IQSEC2: variants seen among roughly 807,000 people sequenced by gnomAD.
IQSEC2 encodes IQ motif and SEC7 domain-containing protein 2.
A neutral mutation model predicts 74.6 loss-of-function variants in IQSEC2; 6 were observed. That is an observed-to-expected ratio of 0.08 (90% CI 0.04 to 0.16). The LOEUF (loss-of-function observed/expected upper bound fraction) is 0.16. Ranked by LOEUF, IQSEC2 falls within the 10% of genes least tolerant of loss-of-function variation. The probability of loss-of-function intolerance (pLI) is 1.00; values close to 1 mark genes in which losing one functional copy is unlikely to be tolerated. For missense variants in IQSEC2, 734 were observed against 1,306.2 expected, an observed-to-expected ratio of 0.56 and a Z score of 6.75; for synonymous variants, 494 against 544.5, an observed-to-expected ratio of 0.91 and a Z score of 1.29.
At position 53,277,745 on chromosome X, in the gene IQSEC2, A is replaced by T. The variant is rs1440289110; in HGVS notation, c.737+14150T>A. On this transcript the variant is annotated intron_variant, in intron 2 of 14. Transcript: ENST00000642864. ...GAGTGCAGTGGTACGATCTTGGCTC[A>T]CTGCAACCTCTGCCTCCCAGGTTCA... 2.7e-5 allele frequency among the ~76,000 whole-genome samples: 3 copies of T among 110,307 alleles called. No individual in the cohort carries two copies. The East Asian group carries it at 8.6e-4, about 31-fold the overall frequency.
At chrX:53,275,636 T>C (rs971624589) in intron 2 of IQSEC2, among the ~76,000 whole-genome samples, 2 of 111,748 alleles carry the variant, frequency 1.8e-5, no homozygotes, top group African/African-American at 6.5e-5. Context: ...TTGTTTCATG[T>C]CTGTAGTCCT....
intron 2 of IQSEC2, chrX:53,267,056 T>C: frequency 8.7e-7 from 1 of 1,150,847 alleles, no homozygotes; most frequent in Non-Finnish European, 1.1e-6. Flanking sequence ...CTCCTCCTCC[T>C]CCTCTTCCCT....
chrX:53,264,172 C>T (rs1367688893), intron 2 of IQSEC2, among the ~76,000 whole-genome samples: 7 of 112,385 alleles, frequency 6.2e-5, no homozygotes, highest in Non-Finnish European at 1.9e-5. Flanking sequence ...CTCAGAATTC[C>T]TCACACCCAG....
At chrX:53,281,469 G>A (rs1556870845) in intron 2 of IQSEC2, 3 of 919,412 alleles carry the variant, frequency 3.3e-6, no homozygotes, top group Non-Finnish European at 4.6e-6. Context: ...AAGGGAGGGG[G>A]CCAGGCTGCG....
At chrX:53,296,161 G>C (rs1411157539) in intron 1 of IQSEC2, among the ~76,000 whole-genome samples, 1 of 109,321 alleles carries the variant, frequency 9.1e-6, no homozygotes, top group Non-Finnish European at 1.9e-5. Flanking sequence ...TCAGCCTCCT[G>C]AGTAGCTGGG....
intron 1 of IQSEC2, among the ~76,000 whole-genome samples, chrX:53,295,603 C>CAAA (rs782410222): frequency 2.4e-3 from 99 of 40,432 alleles, no homozygotes; most frequent in African/African-American, 5.6e-3. Flanking sequence ...GACTCCGTCT[C>CAAA]AAAAAAAAAA....
chrX:53,285,303 G>C (rs1029610460), intron 2 of IQSEC2, among the ~76,000 whole-genome samples: 27 of 112,677 alleles, frequency 2.4e-4, no homozygotes, highest in African/African-American at 8.7e-4. Context: ...TGACCAGACA[G>C]TGGGCTTCAT....
At chrX:53,278,289 C>T (rs933474265) in intron 2 of IQSEC2, among the ~76,000 whole-genome samples, 1 of 111,221 alleles carries the variant, frequency 9.0e-6, no homozygotes, top group Non-Finnish European at 1.9e-5. Flanking sequence ...GGATTACAGG[C>T]GTGAGCCACT....
intron 11 of IQSEC2, among the ~76,000 whole-genome samples, chrX:53,238,863 T>C (rs1556860298): frequency 9.1e-6 from 1 of 110,401 alleles, no homozygotes; most frequent in African/African-American, 3.3e-5. Context: ...CCTTCTCACC[T>C]CTGCCTCAAC....
At position 53,291,520 on chromosome X, in the gene IQSEC2, G is replaced by A. The variant is rs180743220; in HGVS notation, c.737+375C>T. Among the ~76,000 whole-genome samples, 16 of 110,861 alleles carry A rather than the reference G, an allele frequency of 1.4e-4. No homozygotes were observed. The East Asian group carries it at 3.4e-3, about 24-fold the overall frequency. On this transcript the variant is annotated intron_variant, in intron 2 of 14. Coordinates refer to ENST00000642864, the MANE Select transcript of IQSEC2 (RefSeq NM_001111125.3). ...CACAGATTCAGGGTGGAAAGTGAAC[G>A]CTAGACCAGGGAAGCTCAGCATCGA...
intron 2 of IQSEC2, among the ~76,000 whole-genome samples, chrX:53,282,495 G>A (rs1318711595): frequency 8.9e-6 from 1 of 112,863 alleles, no homozygotes; most frequent in Non-Finnish European, 1.9e-5. Context: ...GTCCTTTCAC[G>A]GTCCCAGAGC....
rs181731337 is a variant in IQSEC2 at position 53,238,616 on chromosome X, G to A, written c.3116-310C>T. On this transcript the variant is annotated intron_variant, in intron 11 of 14. Coordinates refer to ENST00000642864, the MANE Select transcript of IQSEC2 (RefSeq NM_001111125.3). ...TGGTTTCGAATTCCTGGGCTCAAGCGATCCTCTTGCCTTGGCCTCCCAAAG... is the reference window on the plus strand; with the variant it reads ...TGGTTTCGAATTCCTGGGCTCAAGCAATCCTCTTGCCTTGGCCTCCCAAAG... Among the ~76,000 whole-genome samples the A allele has an allele frequency of 9.3e-4, 102 of 109,369 alleles. 1 individual carries two copies. The highest frequency in any genetic ancestry group is 5.3e-4 in the Non-Finnish European group (28 of 52,697). The allele number at this position is 109,369 out of a possible 115,157, so 95.0% of individuals were successfully genotyped here.
At chrX:53,285,697 C>T (rs1274018649) in intron 2 of IQSEC2, among the ~76,000 whole-genome samples, 4 of 112,518 alleles carry the variant, frequency 3.6e-5, no homozygotes, top group African/African-American at 1.3e-4. Flanking sequence ...TGGAAGATGG[C>T]TTTAATAGCA....
intron 1 of IQSEC2, among the ~76,000 whole-genome samples, chrX:53,295,311 G>A (rs919777965): frequency 1.8e-5 from 2 of 111,578 alleles, no homozygotes; most frequent in East Asian, 2.8e-4. Context: ...CTTCTTCCAC[G>A]TACAAGAATT....
rs1556861390 is a variant in IQSEC2 at position 53,243,470 on chromosome X, C to T, written c.2751G>A (p.Gly917=). 1 of 1,174,342 alleles carries T rather than the reference C, an allele frequency of 8.5e-7. No homozygotes were observed. Among genetic ancestry groups the T allele is most frequent in the Non-Finnish European group, 1.1e-6 (1 of 875,391 alleles). ...KLDDFIKNLR[G]VDNGEDIPRD... ...GGGGGATGTCTTCACCATTGTCAAC[C>T]CCTGGGGGAGGGAGTAACACAGGGA... Residue 917 remains glycine, a splice_region_variant and synonymous_variant, in exon 9 of 15, where the codon GGG becomes GGA. Coordinates refer to ENST00000642864, the MANE Select transcript of IQSEC2 (RefSeq NM_001111125.3).
chrX:53,280,185 G>A (rs782186112), intron 2 of IQSEC2, among the ~76,000 whole-genome samples: 2 of 95,810 alleles, frequency 2.1e-5, no homozygotes, highest in South Asian at 6.0e-4. Context: ...TAGGGAGGAC[G>A]GGAGGGGAAG....
rs782284020 is a variant in IQSEC2 at position 53,256,298 on chromosome X, G to A, written c.738-237C>T. ...CTGCCTTTACGGCAAGATCCTCTTA[G>A]ACTCCTTTCCCTCAAGGCTCTGCCT... On this transcript the variant is annotated intron_variant, in intron 2 of 14. Coordinates refer to ENST00000642864, the MANE Select transcript of IQSEC2 (RefSeq NM_001111125.3). 4.7e-5 allele frequency among the ~76,000 whole-genome samples: 5 copies of A among 107,350 alleles called. No individual in the cohort carries two copies. The East Asian group carries it at 1.5e-3, about 32-fold the overall frequency. 93.2% of individuals were successfully genotyped at this position (107,350 alleles called of 115,157 possible).
chrX:53,281,546 G>A (rs1373950851), intron 2 of IQSEC2: 1 of 1,150,055 alleles, frequency 8.7e-7, no homozygotes, highest in Non-Finnish European at 1.2e-6. Flanking sequence ...CCCAAGGGCA[G>A]GCCCCCTGGC....
chrX:53,292,228 T>C (rs2075107809), intron 1 of IQSEC2, among the ~76,000 whole-genome samples: 1 of 111,617 alleles, frequency 9.0e-6, no homozygotes, highest in Non-Finnish European at 1.9e-5. Context: ...GCCTAGTGGA[T>C]CACAGTGAGG....
Sources: gnomAD v4.1 joint callset for allele counts (sites outside exome capture counted in the v4.1 genomes callset) on GRCh38, gnomAD v4.1.1 for gene constraint, MANE v1.5 for transcripts, NCBI Gene and HGNC (gene_info 2026-07-23, HGNC 2026-07-21) for gene names.